Variants in CA4 observed in about 807,000 individuals in gnomAD.
CA4 encodes CA-IV.
A neutral mutation model predicts 34.5 loss-of-function variants in CA4; 24 were observed. The observed-to-expected ratio is 0.70, with a 90% confidence interval of 0.50 to 0.98. The LOEUF (loss-of-function observed/expected upper bound fraction) is 0.98, where lower values mean the gene tolerates loss of function less well. CA4 is among the 50% of genes least tolerant of loss of function. The pLI is 0.00. For synonymous variants in CA4, 178 were observed against 170.6 expected (o/e 1.04, Z -0.34); for missense variants, 394 against 396.7 (o/e 0.99, Z 0.06).
At chr17:60,172,977 C>G (rs986297375), downstream of CA4, among the ~76,000 whole-genome samples, 38 of 151,966 alleles carry the variant, frequency 2.5e-4, no homozygotes, top group Non-Finnish European at 3.7e-4. Context: ...AACCCCATCT[C>G]TACTAAAAAT....
chr17:60,169,117 C>T (rs2083888901), intron 5 of CA4, among the ~76,000 whole-genome samples: 2 of 151,946 alleles, frequency 1.3e-5, no homozygotes, highest in African/African-American at 2.4e-5. Flanking sequence ...CATGGTGGTG[C>T]ATGCCTGTAA....
At chr17:60,157,917 G>T in intron 5 of CA4, 129 bp downstream of exon 5, 1 of 1,538,778 alleles carries the variant, frequency 6.5e-7, no homozygotes, top group East Asian at 2.4e-5. Flanking sequence ...TGTTTCTGGG[G>T]TTGCATGTCC....
intron 1 of CA4, among the ~76,000 whole-genome samples, chr17:60,150,654 TAAAAAAAAAAAA>T (rs66850461): frequency 0.047 from 1,592 of 33,898 alleles, 146 homozygotes; most frequent in African/African-American, 0.12. Flanking sequence ...GTGCTCCGTT[TAAAAAAAAAAAA>T]AAAAAAAAAA....
the CA4 span, among the ~76,000 whole-genome samples, chr17:60,176,454 A>G: frequency 6.6e-6 from 1 of 151,692 alleles, no homozygotes; most frequent in African/African-American, 2.4e-5. Context: ...TCCCAGACAG[A>G]CGACTAGGGA....
At chr17:60,166,953 T>A (rs914802602) in intron 5 of CA4, among the ~76,000 whole-genome samples, 1 of 151,990 alleles carries the variant, frequency 6.6e-6, no homozygotes, top group African/African-American at 2.4e-5. Context: ...CAGGACTCCA[T>A]CTCAAAAAAC....
intron 1 of CA4, among the ~76,000 whole-genome samples, chr17:60,152,333 G>A (rs1353621649): frequency 1.3e-5 from 2 of 151,638 alleles, no homozygotes; most frequent in South Asian, 2.1e-4. Flanking sequence ...CTCATCCACC[G>A]ACATGGACCT....
At chr17:60,161,715 C>A (rs1274991476), downstream of CA4, among the ~76,000 whole-genome samples, 1 of 151,754 alleles carries the variant, frequency 6.6e-6, no homozygotes, top group African/African-American at 2.4e-5. Flanking sequence ...AAAAATAAGT[C>A]CCCCCTCCCT....
chr17:60,151,228 G>A (rs1567726529), intron 1 of CA4, among the ~76,000 whole-genome samples: 1 of 152,046 alleles, frequency 6.6e-6, no homozygotes, highest in Non-Finnish European at 1.5e-5. Flanking sequence ...GTCCACGCAG[G>A]CTGAAACCTC....
At chr17:60,155,523 ACT>A (rs1216768588) in intron 2 of CA4, among the ~76,000 whole-genome samples, 156 bp downstream of exon 2, 102 of 146,306 alleles carry the variant, frequency 7.0e-4, no homozygotes, top group African/African-American at 9.8e-4. Flanking sequence ...ACACACACAC[ACT>A]CTCTCTCTCT....
At chr17:60,151,319 G>C (rs1173529582) in intron 1 of CA4, 1 of 152,192 alleles carries the variant, frequency 6.6e-6, no homozygotes, top group Non-Finnish European at 1.5e-5. Flanking sequence ...GAGCCAGCGT[G>C]TGCCCTTTGC....
At chr17:60,170,098 G>A (rs1402087316) in intron 5 of CA4, among the ~76,000 whole-genome samples, 1 of 152,240 alleles carries the variant, frequency 6.6e-6, no homozygotes, top group Non-Finnish European at 1.5e-5. Context: ...TGATGAGCCT[G>A]CCATGGTGTC....
At chr17:60,176,243 C>G in the CA4 span, among the ~76,000 whole-genome samples, 1 of 152,176 alleles carries the variant, frequency 6.6e-6, no homozygotes, top group South Asian at 2.1e-4. Context: ...AAAAAACCCT[C>G]TTTGTAAAAT....
intron 1 of CA4, chr17:60,151,584 G>A (rs2083592850): frequency 6.6e-6 from 1 of 152,174 alleles, no homozygotes; most frequent in African/African-American, 2.4e-5. Flanking sequence ...TGACTTCAGG[G>A]GTTTTAAGCG....
At chr17:60,153,108 C>T (rs182637647) in intron 1 of CA4, among the ~76,000 whole-genome samples, 30 of 152,190 alleles carry the variant, frequency 2.0e-4, no homozygotes, top group Admixed American at 1.5e-3. Context: ...GAGGCCGAGG[C>T]GGGTGGATCA....
At chr17:60,153,891 G>A (rs909815735) in intron 1 of CA4, among the ~76,000 whole-genome samples, 2 of 152,246 alleles carry the variant, frequency 1.3e-5, no homozygotes, top group African/African-American at 2.4e-5. Flanking sequence ...AAAAGGCGAT[G>A]CCAGCAGGGA....
At chr17:60,150,669 A>AAAAAAAG (rs1567726135) in intron 1 of CA4, among the ~76,000 whole-genome samples, 1 of 137,512 alleles carries the variant, frequency 7.3e-6, no homozygotes, top group African/African-American at 3.0e-5. Context: ...AAAAAAAAAA[A>AAAAAAAG]AAAAAAAAAA....
chr17:60,159,185 G>C, intron 7 of CA4, 45 bp from the exon 8 acceptor site: 1 of 1,541,268 alleles, frequency 6.5e-7, no homozygotes, highest in Non-Finnish European at 8.8e-7. Context: ...GGCAGGGAGT[G>C]CAGCTCCCCC....
At chr17:60,176,257 A>T in the CA4 span, among the ~76,000 whole-genome samples, 8 of 152,330 alleles carry the variant, frequency 5.3e-5, no homozygotes, top group African/African-American at 1.9e-4. Context: ...GTAAAATAGG[A>T]TTGAGTATCG....
chr17:60,175,730 AT>A (rs765491874), downstream of CA4, among the ~76,000 whole-genome samples: 3 of 149,228 alleles, frequency 2.0e-5, no homozygotes, highest in East Asian at 3.9e-4. Context: ...GTTGTGCTTC[AT>A]TTTTTGACTT....
Sources: allele counts gnomAD v4.1 joint callset (sites outside exome capture counted in the v4.1 genomes callset), GRCh38; gene constraint gnomAD v4.1.1; transcripts MANE v1.5; gene names NCBI Gene and HGNC (gene_info 2026-07-23, HGNC 2026-07-21).